The following PTH2R variants were observed in gnomAD, a reference collection of about 807,000 sequenced individuals.
PTH2R encodes the protein PTH2 receptor.
Under a neutral mutation model 60.3 loss-of-function variants are expected in PTH2R, and 59 were observed. The observed-to-expected ratio is 0.98, with a 90% CI of 0.79 to 1.22. PTH2R has a LOEUF of 1.22. Ranked by LOEUF, PTH2R falls within the 50% of genes most tolerant of loss-of-function variation. The pLI is 0.00. For synonymous variants in PTH2R, 256 were observed against 243.8 expected (o/e 1.05, Z -0.47); for missense variants, 749 against 682.6 (o/e 1.10, Z -1.08).
At chr2:208,363,138 A>G (rs1218475101) in intron 1 of PTH2R, among the ~76,000 whole-genome samples, 2 of 152,086 alleles carry the variant, frequency 1.3e-5, no homozygotes, top group East Asian at 3.9e-4. Context: ...GTAAATGAGC[A>G]TAGTACCTGA....
At chr2:208,420,146 G>T (rs1158967042) in intron 1 of PTH2R, among the ~76,000 whole-genome samples, 1 of 151,852 alleles carries the variant, frequency 6.6e-6, no homozygotes, top group Admixed American at 6.6e-5. Flanking sequence ...GGGGTGGGGG[G>T]AGTGGGGAGG....
intron 8 of PTH2R, among the ~76,000 whole-genome samples, chr2:208,451,732 C>T (rs891275444): frequency 2.0e-5 from 3 of 152,084 alleles, no homozygotes; most frequent in Non-Finnish European, 4.4e-5. Context: ...TTATCTCTAA[C>T]TGTGAGTCAT....
rs528785397 is a variant in PTH2R at position 208,364,427 on chromosome 2, A to G, written c.-259+4190A>G. ...GTATGTGGTGTAAGAAACAGGTCCA[A>G]CTGCATTGTTTTGCATGTAAATATC... On this transcript the variant is annotated intron_variant, in intron 1 of 12. Coordinates refer to the PTH2R transcript ENST00000617735. 9.3e-4 allele frequency among the ~76,000 whole-genome samples: 141 copies of G among 152,180 alleles called. 1 individual carries two copies. The highest frequency in any genetic ancestry group is 1.8e-4 in the Non-Finnish European group (12 of 67,986).
At chr2:208,368,567 C>A (rs1700637342) in intron 1 of PTH2R, among the ~76,000 whole-genome samples, 1 of 152,052 alleles carries the variant, frequency 6.6e-6, no homozygotes, top group Non-Finnish European at 1.5e-5. Flanking sequence ...TACCCCAACA[C>A]CTGCTTGTTC....
intron 9 of PTH2R, among the ~76,000 whole-genome samples, chr2:208,477,970 GTACTACTAGCACTACTACTAGTAC>G (rs1559231934): frequency 5.6e-4 from 16 of 28,538 alleles, no homozygotes; most frequent in Non-Finnish European, 1.7e-3. Context: ...ACTAGTACTA[GTACTACTAGCACTACTACTAGTAC>G]TAGTACTACT....
rs771106058 is a variant in PTH2R at position 208,442,323 on chromosome 2, A to T, written c.412-41A>T. On this transcript the variant is annotated intron_variant, in intron 4 of 12. Coordinates refer to ENST00000272847, the MANE Select transcript of PTH2R (RefSeq NM_005048.4). Reference sequence around the variant, plus strand: ...CTATTTCTTTGCCAGTTTATTGGTAAAATAGTCCCATATCATACATGAGCA... The same window carrying T: ...CTATTTCTTTGCCAGTTTATTGGTATAATAGTCCCATATCATACATGAGCA... The T allele has an allele frequency of 2.2e-6, 3 of 1,394,212 alleles. No individual in the cohort carries two copies. The South Asian group carries it at 3.5e-5, about 16-fold the overall frequency. 86.4% of individuals were successfully genotyped at this position (1,394,212 alleles called of 1,614,324 possible). A position where few individuals can be genotyped will look rare whatever the true frequency, so the allele number is the denominator to read the frequency against.
intron 10 of PTH2R, among the ~76,000 whole-genome samples, chr2:208,486,362 C>A (rs1703273153): frequency 6.6e-6 from 1 of 152,124 alleles, no homozygotes; most frequent in African/African-American, 2.4e-5. Flanking sequence ...TGGAGGATAC[C>A]CACTACATTT....
At chr2:208,450,148 A>G (rs1702374490) in intron 7 of PTH2R, among the ~76,000 whole-genome samples, 1 of 152,192 alleles carries the variant, frequency 6.6e-6, no homozygotes, top group South Asian at 2.1e-4. Context: ...GCACTTATGA[A>G]GGACAAATAT....
chr2:208,408,280 G>GA (rs1039938767), intron 1 of PTH2R, among the ~76,000 whole-genome samples: 1 of 152,050 alleles, frequency 6.6e-6, no homozygotes, highest in African/African-American at 2.4e-5. Flanking sequence ...ACTTAAACCT[G>GA]AAAAAATTCA....
chr2:208,418,237 A>G (rs1367100778), intron 1 of PTH2R, among the ~76,000 whole-genome samples: 1 of 151,590 alleles, frequency 6.6e-6, no homozygotes, highest in Admixed American at 6.6e-5. Context: ...TTAAAAATAT[A>G]AACATTAAAT....
At chr2:208,388,460 T>C (rs1701049375) in intron 1 of PTH2R, among the ~76,000 whole-genome samples, 1 of 152,198 alleles carries the variant, frequency 6.6e-6, no homozygotes. Flanking sequence ...CAATGACATC[T>C]TTTTCTTCTG....
chr2:208,465,914 T>A (rs373186291), intron 9 of PTH2R, among the ~76,000 whole-genome samples: 2 of 152,226 alleles, frequency 1.3e-5, no homozygotes, highest in Admixed American at 6.5e-5. Flanking sequence ...ATGCTGGCAT[T>A]GTTCAGAAAA....
rs533342599 is a variant in PTH2R at position 208,428,126 on chromosome 2, G to A, written c.76-75G>A. ...AAACTCATTTTCAATTAGATTAGAAGGTGAAATAATGAAAGCTTGTATCCT... is the reference window on the plus strand; with the variant it reads ...AAACTCATTTTCAATTAGATTAGAAAGTGAAATAATGAAAGCTTGTATCCT... On this transcript the variant is annotated intron_variant, in intron 1 of 12. Transcript: ENST00000272847. The A allele has an allele frequency of 1.6e-5, 17 of 1,070,454 alleles. No individual in the cohort carries two copies. The East Asian group carries it at 3.2e-4, about 20-fold the overall frequency. The allele number at this position is 1,070,454 out of a possible 1,614,324, so 66.3% of individuals were successfully genotyped here.
rs183491814 is a variant in PTH2R, at chr2:208,409,314, T to C, written c.75+2196T>C. 5.5e-3 allele frequency among the ~76,000 whole-genome samples: 839 copies of C among 152,322 alleles called. 4 individuals carry two copies. Among genetic ancestry groups the C allele is most frequent in the African/African-American group, 0.018 (764 of 41,564 alleles). ...AAGATTCTTTTAATTCTATAAGTCT[T>C]GGTTTATTACTTTTAGGTTACAGTC... On this transcript the variant is annotated intron_variant, in intron 1 of 12. Coordinates refer to ENST00000272847, the MANE Select transcript of PTH2R (RefSeq NM_005048.4).
intron 8 of PTH2R, among the ~76,000 whole-genome samples, chr2:208,455,577 A>G (rs553372724): frequency 9.2e-5 from 14 of 152,302 alleles, no homozygotes; most frequent in Admixed American, 7.2e-4. Context: ...TTGCCTGTAA[A>G]CATAAACTGT....
chr2:208,485,266 A>G (rs1317652728), intron 10 of PTH2R, among the ~76,000 whole-genome samples: 2 of 152,190 alleles, frequency 1.3e-5, no homozygotes, highest in African/African-American at 4.8e-5. Context: ...TCTATTTTCT[A>G]AACAGGACAC....
intron 8 of PTH2R, among the ~76,000 whole-genome samples, chr2:208,451,011 G>T (rs543644560): frequency 3.9e-5 from 6 of 152,148 alleles, no homozygotes; most frequent in African/African-American, 1.2e-4. Flanking sequence ...AGAAACACTC[G>T]CAGACTAGAT....
At chr2:208,380,181 G>A (rs1700885518) in intron 1 of PTH2R, among the ~76,000 whole-genome samples, 1 of 152,068 alleles carries the variant, frequency 6.6e-6, no homozygotes, top group African/African-American at 2.4e-5. Flanking sequence ...ATTATTCTTA[G>A]TGAGTTTCCA....
intron 1 of PTH2R, among the ~76,000 whole-genome samples, chr2:208,364,867 A>G (rs1396059590): frequency 6.6e-6 from 1 of 152,050 alleles, no homozygotes; most frequent in Non-Finnish European, 1.5e-5. Flanking sequence ...TTTTCATTAT[A>G]TAAGTTTTTA....
Sources: gnomAD v4.1 joint callset for allele counts (sites outside exome capture counted in the v4.1 genomes callset) on GRCh38, gnomAD v4.1.1 for gene constraint, MANE v1.5 for transcripts, NCBI Gene and HGNC (gene_info 2026-07-23, HGNC 2026-07-21) for gene names.